The following MGMT variants were observed in gnomAD, a reference collection of about 807,000 sequenced individuals.
The protein encoded by MGMT is methylated-DNA--protein-cysteine methyltransferase.
In MGMT, 14 loss-of-function variants were observed where a neutral mutation model predicts 15.9. That is an observed-to-expected ratio of 0.88 (90% CI 0.58 to 1.37). The LOEUF (loss-of-function observed/expected upper bound fraction) is 1.37, where lower values mean the gene tolerates loss of function less well. Among genes scored for constraint, MGMT ranks in the 40% most tolerant of loss-of-function variants. MGMT has a pLI of 0.00. For synonymous variants in MGMT, 130 were observed against 118.2 expected, an observed-to-expected ratio of 1.10 and a Z score of -0.65; for missense variants, 282 against 268.1, an observed-to-expected ratio of 1.05 and a Z score of -0.36.
intron 1 of MGMT, among the ~76,000 whole-genome samples, chr10:129,498,531 C>T (rs191927780): frequency 7.9e-5 from 12 of 152,170 alleles, no homozygotes; most frequent in East Asian, 1.9e-4. Flanking sequence ...TTCACATCAG[C>T]GTAGACTCAT....
intron 1 of MGMT, among the ~76,000 whole-genome samples, chr10:129,526,431 C>T (rs1327580154): frequency 6.6e-6 from 1 of 152,128 alleles, no homozygotes; most frequent in Non-Finnish European, 1.5e-5. Flanking sequence ...CAATCTCCCC[C>T]TTCACACAGA....
chr10:129,510,783 G>A (rs983085428), intron 1 of MGMT, among the ~76,000 whole-genome samples: 8 of 150,174 alleles, frequency 5.3e-5, no homozygotes, highest in African/African-American at 2.0e-4. Context: ...GACGCAGCCA[G>A]ATGCAGCCAC....
In MGMT at chr10:129,761,610, A is replaced by T. The variant is rs78960315; in HGVS notation, c.414+2269A>T. 1.2e-3 allele frequency among the ~76,000 whole-genome samples: 189 copies of T among 152,326 alleles called. 1 individual carries two copies. The highest frequency in any genetic ancestry group is 4.4e-3 in the African/African-American group (182 of 41,582). ...TCTCTGTTCCAGTATGGCCTCAGTCACTGAAATGTATAAAGTAGTATCACA... is the reference window on the plus strand; with the variant it reads ...TCTCTGTTCCAGTATGGCCTCAGTCTCTGAAATGTATAAAGTAGTATCACA... On this transcript the variant is annotated intron_variant, in intron 4 of 4. Coordinates refer to ENST00000651593, the MANE Select transcript of MGMT (RefSeq NM_002412.5).
In MGMT at chr10:129,533,802, A is replaced by T. The variant is rs1219621410; in HGVS notation, c.-12-2439A>T. ...AAGCAGTGGCCCGGGATGGTGGGAG[A>T]TGTCTGCAGGCGCAGGGCGGAGGCT... On this transcript the variant is annotated intron_variant, in intron 1 of 4. Coordinates refer to ENST00000651593, the MANE Select transcript of MGMT (RefSeq NM_002412.5). The surrounding 1 kb of genome is among the most constrained non-coding windows in gnomAD (Gnocchi z 4.5). Among the ~76,000 whole-genome samples the T allele has an allele frequency of 6.6e-6, 1 of 152,028 alleles. No homozygotes were observed.
At chr10:129,750,391 G>C (rs1848738958) in intron 3 of MGMT, among the ~76,000 whole-genome samples, 1 of 151,934 alleles carries the variant, frequency 6.6e-6, no homozygotes, top group Non-Finnish European at 1.5e-5. Context: ...ATTGCTTTTT[G>C]CTTTTTTTTG....
chr10:129,572,600 T>C (rs904563652), intron 2 of MGMT, among the ~76,000 whole-genome samples: 8 of 152,192 alleles, frequency 5.3e-5, no homozygotes, highest in Non-Finnish European at 1.2e-4. Flanking sequence ...ATACTGAAAG[T>C]TTTTTATACT....
intron 1 of MGMT, among the ~76,000 whole-genome samples, chr10:129,491,745 T>A (rs1404889554): frequency 6.6e-6 from 1 of 152,198 alleles, no homozygotes; most frequent in Non-Finnish European, 1.5e-5. Context: ...GAATCCTGAA[T>A]TACAAATTTT....
At chr10:129,561,106 A>C (rs958526978) in intron 2 of MGMT, among the ~76,000 whole-genome samples, 1 of 151,878 alleles carries the variant, frequency 6.6e-6, no homozygotes, top group African/African-American at 2.4e-5. Flanking sequence ...TTCACCCTCT[A>C]CCTGCAGTTG....
chr10:129,479,721 C>T (rs1452797860), intron 1 of MGMT, among the ~76,000 whole-genome samples: 3 of 145,428 alleles, frequency 2.1e-5, no homozygotes, highest in South Asian at 2.3e-4. Context: ...TGTGTTTCTC[C>T]GTTCTCACGT....
At chr10:129,743,000 TA>T (rs56337638) in intron 3 of MGMT, among the ~76,000 whole-genome samples, 81,969 of 152,038 alleles carry the variant, frequency 0.54, 22,388 homozygotes, top group East Asian at 0.66. Flanking sequence ...TGGTAAACGA[TA>T]AAAAAACGGA....
intron 1 of MGMT, among the ~76,000 whole-genome samples, chr10:129,527,733 C>T (rs1025994721): frequency 1.1e-4 from 17 of 151,542 alleles, no homozygotes; most frequent in African/African-American, 4.1e-4. Flanking sequence ...CCTTGACACG[C>T]CTGGAATCCG....
At chr10:129,604,606 C>T (rs1357586866) in intron 2 of MGMT, among the ~76,000 whole-genome samples, 1 of 151,166 alleles carries the variant, frequency 6.6e-6, no homozygotes, top group African/African-American at 2.4e-5. Context: ...CGTGGAGGAG[C>T]CACTCTCTTG....
rs374526819 is a variant in MGMT at position 129,592,426 on chromosome 10, G to A, written c.125+56049G>A. ...GTGTGCTGTGGCTGAAATGCCTAAC[G>A]TAGATTTGCATACCTCAGTGAACCA... On this transcript the variant is annotated intron_variant, in intron 2 of 4. Transcript: ENST00000651593. Among the ~76,000 whole-genome samples the A allele has an allele frequency of 2.4e-3, 366 of 152,308 alleles. 1 individual carries two copies. Among genetic ancestry groups the A allele is most frequent in the African/African-American group, 8.3e-3 (346 of 41,572 alleles).
chr10:129,580,946 A>G (rs1245445664), intron 2 of MGMT, among the ~76,000 whole-genome samples: 1 of 152,248 alleles, frequency 6.6e-6, no homozygotes, highest in African/African-American at 2.4e-5. Flanking sequence ...GCCCAGATCC[A>G]GCCGCTGTCT....
chr10:129,585,725 TTGAGTCCG>T (rs1242143496), intron 2 of MGMT, among the ~76,000 whole-genome samples: 1 of 152,222 alleles, frequency 6.6e-6, no homozygotes, highest in African/African-American at 2.4e-5. Context: ...CTGTGGTTGG[TTGAGTCCG>T]TGAGTCCGTG....
At chr10:129,531,626 G>A (rs942960541) in intron 1 of MGMT, among the ~76,000 whole-genome samples, 5 of 152,080 alleles carry the variant, frequency 3.3e-5, no homozygotes, top group African/African-American at 4.8e-5. Context: ...TTTAGGAATC[G>A]GCACTAAACT....
chr10:129,651,436 T>C (rs1405669758), intron 2 of MGMT, among the ~76,000 whole-genome samples: 2 of 152,136 alleles, frequency 1.3e-5, no homozygotes, highest in East Asian at 3.9e-4. Context: ...TTTATAGAAA[T>C]GTTCAATGGC....
intron 2 of MGMT, among the ~76,000 whole-genome samples, chr10:129,657,289 C>G (rs1307710550): frequency 4.0e-5 from 6 of 151,642 alleles, no homozygotes; most frequent in Non-Finnish European, 8.8e-5. Flanking sequence ...CAGGAATACA[C>G]ATGTATGTGA....
chr10:129,642,197 A>G (rs1308202335), intron 2 of MGMT, among the ~76,000 whole-genome samples: 1 of 150,968 alleles, frequency 6.6e-6, no homozygotes, highest in Non-Finnish European at 1.5e-5. Flanking sequence ...GGTTCCTCAC[A>G]CAACCCCGCA....
Sources: gnomAD v4.1 joint callset for allele counts (sites outside exome capture counted in the v4.1 genomes callset) on GRCh38, gnomAD v4.1.1 for gene constraint, Gnocchi (gnomAD v3.1) non-coding constraint, MANE v1.5 for transcripts, NCBI Gene and HGNC (gene_info 2026-07-23, HGNC 2026-07-21) for gene names.